The following PDE4D variants were observed in gnomAD, a reference collection of about 807,000 sequenced individuals.
PDE4D encodes the protein phosphodiesterase 4D.
In PDE4D, 24 loss-of-function variants were observed where a neutral mutation model predicts 87.4. The observed-to-expected ratio is 0.27, with a 90% CI of 0.20 to 0.39. PDE4D has a LOEUF of 0.39. Ranked by LOEUF, PDE4D falls within the 10% of genes least tolerant of loss-of-function variation. The pLI is 1.00. For missense variants in PDE4D, 714 were observed against 1,041.0 expected, an observed-to-expected ratio of 0.69 and a Z score of 4.32; for synonymous variants, 384 against 383.2, an observed-to-expected ratio of 1.00 and a Z score of -0.02.
rs900668269 is a variant in PDE4D, at chr5:59,693,117, C to G, written c.455+200051G>C. Among the ~76,000 whole-genome samples the G allele has an allele frequency of 2.7e-5, 4 of 148,650 alleles. No individual in the cohort carries two copies. The East Asian group carries it at 7.8e-4, about 29-fold the overall frequency. On this transcript the variant is annotated intron_variant, in intron 1 of 14. Coordinates refer to ENST00000340635, the MANE Select transcript of PDE4D (RefSeq NM_001104631.2). ...TGTTCATCAGAATGATGTAAATATA[C>G]TCTAGAAGACCCTGAAATTGTATAT... is the stretch of plus-strand genomic sequence containing the variant.
At chr5:60,459,498 A>T (rs1336372124) in intron 1 of PDE4D, among the ~76,000 whole-genome samples, 2 of 152,114 alleles carry the variant, frequency 1.3e-5, no homozygotes, top group African/African-American at 4.8e-5. Context: ...AGATACAGAG[A>T]AAGGAGGGAA....
At chr5:59,772,729 A>G (rs766014228) in intron 1 of PDE4D, among the ~76,000 whole-genome samples, 1 of 152,236 alleles carries the variant, frequency 6.6e-6, no homozygotes, top group African/African-American at 2.4e-5. Flanking sequence ...TCTCCAAACT[A>G]TGTTCTAATT....
In PDE4D at chr5:59,038,868, G is replaced by A; in HGVS notation, c.912C>T (p.Ala304=). 6.4e-7 allele frequency: 1 copy of A among 1,563,996 alleles called. No individual in the cohort carries two copies. Among genetic ancestry groups the A allele is most frequent in the Non-Finnish European group, 8.7e-7 (1 of 1,154,774 alleles). ...CAGAACCGGGGCTTACCTTGTTGGA[G>A]GCCATCTCACTGACGGAGTGCCTGG... is the stretch of plus-strand genomic sequence containing the variant. ...LQTRHSVSEM[A]SNKFKRMLNR... is the part of the protein sequence containing the mutation. The change falls in exon 6 of 15, where the codon GCC becomes GCT. Residue 304 remains alanine (A), a synonymous_variant. Transcript: ENST00000340635.
intron 1 of PDE4D, chr5:60,487,613 C>G (rs770134370): frequency 3.9e-5 from 6 of 152,174 alleles, no homozygotes; most frequent in Admixed American, 1.3e-4. Flanking sequence ...GACTCAAGTG[C>G]TCTCTAAGCT....
chr5:59,690,545 G>T (rs878969992), intron 1 of PDE4D, among the ~76,000 whole-genome samples: 3 of 152,046 alleles, frequency 2.0e-5, no homozygotes, highest in Non-Finnish European at 4.4e-5. Flanking sequence ...GATCTCTTCC[G>T]TACACCTTAT....
intron 1 of PDE4D, among the ~76,000 whole-genome samples, chr5:59,747,670 A>G (rs1170741858): frequency 6.6e-6 from 1 of 152,184 alleles, no homozygotes; most frequent in Non-Finnish European, 1.5e-5. Context: ...AGGAATTAAG[A>G]GACACTTTTC....
chr5:58,975,519 T>C lies in PDE4D; in HGVS notation c.2013+138A>G. Reference sequence around the variant, plus strand: ...GAATGAAAGTTCTTTGGATCATAAATACTAAGGTGAAATTGAGCTTGTCAA... The same window carrying C: ...GAATGAAAGTTCTTTGGATCATAAACACTAAGGTGAAATTGAGCTTGTCAA... On this transcript the variant is annotated intron_variant, in intron 14 of 14. Transcript: ENST00000340635. This position sits in a 1 kb window ranked among gnomAD's most constrained non-coding sequence, Gnocchi z 4.2. The C allele has an allele frequency of 1.7e-6, 1 of 581,392 alleles. No individual in the cohort carries two copies. The highest frequency in any genetic ancestry group is 3.1e-5 in the East Asian group (1 of 32,086). The allele number at this position is 581,392 out of a possible 1,614,324, so 36.0% of individuals were successfully genotyped here. A position where few individuals can be genotyped will look rare whatever the true frequency, so the allele number is the denominator to read the frequency against.
chr5:59,138,024 C>A (rs1264575452), intron 5 of PDE4D, among the ~76,000 whole-genome samples: 1 of 152,172 alleles, frequency 6.6e-6, no homozygotes, highest in Non-Finnish European at 1.5e-5. Flanking sequence ...CCCTAGCAAC[C>A]CTAACGAGGT....
chr5:60,212,610 C>T (rs927552171), intron 1 of PDE4D, among the ~76,000 whole-genome samples: 1 of 152,066 alleles, frequency 6.6e-6, no homozygotes, highest in African/African-American at 2.4e-5. Flanking sequence ...CTAACAATGA[C>T]GCCAATACAG....
chr5:60,117,056 A>G (rs938041923), intron 2 of PDE4D, among the ~76,000 whole-genome samples: 1 of 152,010 alleles, frequency 6.6e-6, no homozygotes, highest in Non-Finnish European at 1.5e-5. Flanking sequence ...TAAAAAAAAA[A>G]ATATTTCCTT....
chr5:60,003,378 A>C (rs747144470), intron 2 of PDE4D, among the ~76,000 whole-genome samples: 2 of 152,104 alleles, frequency 1.3e-5, no homozygotes, highest in Non-Finnish European at 2.9e-5. Flanking sequence ...TAAAATTCAT[A>C]TGAAACCAAA....
chr5:60,391,062 TA>T (rs779810715), intron 1 of PDE4D, among the ~76,000 whole-genome samples: 2 of 152,208 alleles, frequency 1.3e-5, no homozygotes, highest in East Asian at 3.8e-4. Context: ...CGCTATCTAA[TA>T]TATGATGCAT....
At chr5:60,433,616 A>T (rs957023913) in intron 1 of PDE4D, among the ~76,000 whole-genome samples, 1 of 152,208 alleles carries the variant, frequency 6.6e-6, no homozygotes, top group African/African-American at 2.4e-5. Flanking sequence ...AATGATACAC[A>T]CATGCATATG....
chr5:60,083,864 C>A (rs1389452231), intron 2 of PDE4D, among the ~76,000 whole-genome samples: 1 of 152,136 alleles, frequency 6.6e-6, no homozygotes, highest in South Asian at 2.1e-4. Context: ...CGGTTATGGT[C>A]TGGCCTGGTG....
chr5:59,629,250 A>C (rs2150140331), intron 1 of PDE4D, among the ~76,000 whole-genome samples: 1 of 152,278 alleles, frequency 6.6e-6, no homozygotes, highest in East Asian at 1.9e-4. Context: ...ATCAAAATTA[A>C]TGTTGAAGCC....
intron 6 of PDE4D, among the ~76,000 whole-genome samples, chr5:59,011,716 T>C (rs574888312): frequency 1.7e-4 from 26 of 152,290 alleles, no homozygotes; most frequent in African/African-American, 6.3e-4. Context: ...TGGAACCAAG[T>C]TGGAAAACAC....
chr5:59,710,102 T>C (rs1753992150), intron 1 of PDE4D, among the ~76,000 whole-genome samples: 1 of 152,136 alleles, frequency 6.6e-6, no homozygotes, highest in African/African-American at 2.4e-5. Flanking sequence ...TACAAGGATA[T>C]AAACAATTAT....
At chr5:59,829,071 G>C (rs1770664826) in intron 1 of PDE4D, among the ~76,000 whole-genome samples, 1 of 151,964 alleles carries the variant, frequency 6.6e-6, no homozygotes, top group Non-Finnish European at 1.5e-5. Flanking sequence ...TACTTGTGTT[G>C]CTGATGGAAT....
At chr5:59,514,482 C>T (rs1810836334) in intron 1 of PDE4D, among the ~76,000 whole-genome samples, 1 of 152,046 alleles carries the variant, frequency 6.6e-6, no homozygotes, top group African/African-American at 2.4e-5. Context: ...TTACTAGGGG[C>T]CCCACTTTTC....
Sources: allele counts gnomAD v4.1 joint callset (sites outside exome capture counted in the v4.1 genomes callset), GRCh38; gene constraint gnomAD v4.1.1; non-coding constraint Gnocchi (gnomAD v3.1); transcripts MANE v1.5; gene names NCBI Gene and HGNC (gene_info 2026-07-23, HGNC 2026-07-21).